SEC31A: variants seen among roughly 807,000 people sequenced by gnomAD.
SEC31A encodes SEC31 homolog A, COPII component.
In SEC31A, 70 loss-of-function variants were observed where a neutral mutation model predicts 151.0. That is an observed-to-expected ratio of 0.46 (90% CI 0.38 to 0.57). The LOEUF (loss-of-function observed/expected upper bound fraction) is 0.57, where lower values mean the gene tolerates loss of function less well. SEC31A is among the 20% of genes least tolerant of loss of function. The pLI is 0.00. For synonymous variants in SEC31A, 475 were observed against 505.9 expected (o/e 0.94, Z 0.82); for missense variants, 1,330 against 1,471.2 (o/e 0.90, Z 1.57).
rs776780058 is a variant in SEC31A, at chr4:82,881,841, C to G, written c.79+17G>C. On this transcript the variant is annotated intron_variant, in intron 2 of 26. Transcript: ENST00000395310. ...GAAATTAGGTAACTCATACTATCTT[C>G]TCTCCTTTGAACTTACCTGTTGCTA... 1.3e-6 allele frequency: 2 copies of G among 1,596,826 alleles called. No individual in the cohort carries two copies. Among genetic ancestry groups the G allele is most frequent in the Middle Eastern group, 1.7e-4 (1 of 6,028 alleles).
chr4:82,878,683 A>G, intron 4 of SEC31A, 47 bp downstream of exon 4: 2 of 1,500,480 alleles, frequency 1.3e-6, no homozygotes, highest in Non-Finnish European at 1.8e-6. Context: ...ACTGATTTCA[A>G]ATGAGCAGCA....
intron 7 of SEC31A, chr4:82,871,711 C>T (rs571831087): frequency 1.3e-5 from 7 of 541,392 alleles, no homozygotes; most frequent in South Asian, 5.2e-5. Context: ...TGGTGGCTTG[C>T]GCCTGTAATC....
At chr4:82,849,096 A>T in intron 19 of SEC31A, 119 bp from the exon 20 acceptor site, 2 of 873,842 alleles carry the variant, frequency 2.3e-6, no homozygotes, top group Non-Finnish European at 3.5e-6. Flanking sequence ...AATGCTGGGT[A>T]TTATACAATA....
At chr4:82,849,054 G>A (rs1217139468) in intron 19 of SEC31A, 77 bp from the exon 20 acceptor site, 46 of 1,297,422 alleles carry the variant, frequency 3.5e-5, no homozygotes, top group Middle Eastern at 5.1e-4. Context: ...TTCTTAATCA[G>A]ATTATTCATC....
In SEC31A at chr4:82,874,521, A is replaced by T. The variant is rs1737488382; in HGVS notation, c.639+90T>A. On this transcript the variant is annotated intron_variant, in intron 6 of 26. Transcript: ENST00000395310. ...AAAAAACAGGATTTGACTTCACAGA[A>T]ATTTGATTTGTTGTCAACTCTGACA... is the stretch of plus-strand genomic sequence containing the variant. 2.3e-6 allele frequency: 3 copies of T among 1,296,022 alleles called. No homozygotes were observed. In the South Asian group the frequency reaches 5.0e-5, roughly 22 times the overall value. The allele number at this position is 1,296,022 out of a possible 1,614,324, so 80.3% of individuals were successfully genotyped here. A position where few individuals can be genotyped will look rare whatever the true frequency, so the allele number is the denominator to read the frequency against.
intron 11 of SEC31A, among the ~76,000 whole-genome samples, chr4:82,863,919 T>A (rs897314123): frequency 1.3e-5 from 2 of 152,186 alleles, no homozygotes; most frequent in African/African-American, 4.8e-5. Context: ...CAGGAAATTC[T>A]ATTTGTTATT....
chr4:82,842,432 C>T lies in SEC31A; in HGVS notation c.2676G>A (p.Met892Ile), dbSNP rs1217397083. 1.9e-6 allele frequency: 3 copies of T among 1,613,798 alleles called. No homozygotes were observed. The highest frequency in any genetic ancestry group is 2.2e-5 in the East Asian group (1 of 44,868). ...GAGCAACAGGCTGCTGAGGTCGATA[C>T]ATTGCTGACCCCCCTGTTCCGAAGG... ...PYPFGTGGSA[M>I]YRPQQPVAPP... The change falls in exon 22 of 27, where the codon ATG (methionine) becomes ATA (isoleucine). Residue 892 changes from methionine (M) to isoleucine (I), a missense_variant. Coordinates refer to ENST00000395310, the MANE Select transcript of SEC31A (RefSeq NM_001077207.4).
intron 22 of SEC31A, among the ~76,000 whole-genome samples, chr4:82,841,400 G>A (rs1337149712): frequency 7.3e-6 from 1 of 137,330 alleles, no homozygotes; most frequent in East Asian, 2.1e-4. Flanking sequence ...TCCAGCCTGG[G>A]TGACAGAATG....
At chr4:82,850,897 A>G (rs1731313155) in intron 19 of SEC31A, among the ~76,000 whole-genome samples, 1 of 152,164 alleles carries the variant, frequency 6.6e-6, no homozygotes, top group South Asian at 2.1e-4. Context: ...GTTTTGCCCA[A>G]GTTTTATTGT....
At chr4:82,898,707 A>G (rs1352225317) in intron 3 of SEC31A, among the ~76,000 whole-genome samples, 1 of 152,242 alleles carries the variant, frequency 6.6e-6, no homozygotes, top group East Asian at 1.9e-4. Flanking sequence ...AAAGGCAAAC[A>G]CCACGATGAG....
upstream of SEC31A, chr4:82,891,335 C>T (rs1428898942): frequency 1.4e-6 from 1 of 716,480 alleles, no homozygotes; most frequent in East Asian, 2.8e-5. Flanking sequence ...GGGTACGGCT[C>T]CGCTGGTTGG....
chr4:82,822,409 T>A (rs577792730), intron 25 of SEC31A, among the ~76,000 whole-genome samples: 2 of 152,102 alleles, frequency 1.3e-5, no homozygotes, highest in African/African-American at 4.8e-5. Flanking sequence ...AATGCAGATA[T>A]GTGGAGGAAG....
At chr4:82,823,723 A>G (rs1278608070) in intron 25 of SEC31A, among the ~76,000 whole-genome samples, 1 of 152,282 alleles carries the variant, frequency 6.6e-6, no homozygotes, top group African/African-American at 2.4e-5. Flanking sequence ...TCCGATATCT[A>G]AAACATTTAA....
In SEC31A at chr4:82,857,775, G is replaced by T; in HGVS notation, c.1627-11C>A. ...TTCCTCTTTAATGTGCTAAAGAGAT[G>T]AAAAAAGCAACAATTTAGCCAGAAT... On this transcript the variant is annotated splice_polypyrimidine_tract_variant and intron_variant, in intron 14 of 26. Transcript: ENST00000395310. 2 of 1,533,544 alleles carry T rather than the reference G, an allele frequency of 1.3e-6. No individual in the cohort carries two copies. The highest frequency in any genetic ancestry group is 1.8e-6 in the Non-Finnish European group (2 of 1,114,492). The allele number at this position is 1,533,544 out of a possible 1,614,324, so 95.0% of individuals were successfully genotyped here. A position where few individuals can be genotyped will look rare whatever the true frequency, so the allele number is the denominator to read the frequency against.
upstream of SEC31A, chr4:82,893,029 A>G (rs1719908916): frequency 6.6e-6 from 1 of 152,262 alleles, no homozygotes; most frequent in African/African-American, 2.4e-5. Flanking sequence ...AGAGAATTTA[A>G]TGACAAATTT....
intron 18 of SEC31A, among the ~76,000 whole-genome samples, chr4:82,852,832 G>T (rs754829956): frequency 2.1e-4 from 32 of 152,184 alleles, no homozygotes; most frequent in Non-Finnish European, 3.8e-4. Context: ...GACTGGTTTC[G>T]TGGAAGACAA....
chr4:82,818,989 AG>A lies in SEC31A; in HGVS notation c.*84del, dbSNP rs1317841078. 1.9e-6 allele frequency: 2 copies of A among 1,074,356 alleles called. No individual in the cohort carries two copies. Among genetic ancestry groups the A allele is most frequent in the East Asian group, 5.0e-5 (2 of 39,910 alleles). 66.6% of individuals were successfully genotyped at this position (1,074,356 alleles called of 1,614,324 possible). The stretch of plus-strand genomic sequence containing the variant: ...TGGTTGCTATGCAAACATGCTAATG[AG>A]GACTAGTCCATGTCTTATAATTTTT... On this transcript the variant is annotated 3_prime_UTR_variant, in exon 27 of 27. Transcript: ENST00000395310.
chr4:82,866,783 G>T, intron 10 of SEC31A, 25 bp downstream of exon 10: 2 of 1,592,208 alleles, frequency 1.3e-6, no homozygotes, highest in South Asian at 2.3e-5. Context: ...TGTGCCTATG[G>T]ACCATAAAAA....
At chr4:82,827,062 C>A (rs1424906669) in intron 24 of SEC31A, among the ~76,000 whole-genome samples, 1 of 152,094 alleles carries the variant, frequency 6.6e-6, no homozygotes, top group Non-Finnish European at 1.5e-5. Context: ...TCTTTGGAAA[C>A]AGCTTTTGCT....
Sources: allele counts gnomAD v4.1 joint callset (sites outside exome capture counted in the v4.1 genomes callset), GRCh38; gene constraint gnomAD v4.1.1; transcripts MANE v1.5; gene names NCBI Gene and HGNC (gene_info 2026-07-23, HGNC 2026-07-21).